KCNH1: variants seen among roughly 807,000 people sequenced by gnomAD.
KCNH1 encodes voltage-gated delayed rectifier potassium channel KCNH1.
In KCNH1, 27 loss-of-function variants were observed where a neutral mutation model predicts 69.2. That is an observed-to-expected ratio of 0.39 (90% CI 0.29 to 0.54). KCNH1 has a LOEUF of 0.54. Among genes scored for constraint, KCNH1 ranks in the 20% least tolerant of loss-of-function variants. The pLI is 0.68. For missense variants in KCNH1, 798 were observed against 1,261.6 expected (o/e 0.63, Z 5.57); for synonymous variants, 456 against 487.7 (o/e 0.93, Z 0.86).
chr1:210,916,449 A>G (rs1687334764), intron 7 of KCNH1, among the ~76,000 whole-genome samples: 1 of 152,208 alleles, frequency 6.6e-6, no homozygotes, highest in South Asian at 2.1e-4. Context: ...ACAACAACAA[A>G]CAAGCAAAGA....
intron 10 of KCNH1, among the ~76,000 whole-genome samples, chr1:210,733,551 A>T (rs1214181504): frequency 2.0e-5 from 3 of 152,222 alleles, no homozygotes; most frequent in African/African-American, 7.2e-5. Flanking sequence ...CAAATTCCAG[A>T]TATCACCATG....
chr1:210,967,617 T>C (rs765643101), intron 6 of KCNH1, among the ~76,000 whole-genome samples: 6 of 152,174 alleles, frequency 3.9e-5, no homozygotes, highest in Non-Finnish European at 8.8e-5. Flanking sequence ...TATACGGATC[T>C]GTTTCTCTTC....
intron 1 of KCNH1, among the ~76,000 whole-genome samples, chr1:211,110,846 C>CATCCAGATAT (rs1329697423): frequency 9.2e-5 from 14 of 152,128 alleles, no homozygotes; most frequent in Non-Finnish European, 1.9e-4. Flanking sequence ...CAGAAGTCAA[C>CATCCAGATAT]AGATAATATC....
intron 10 of KCNH1, among the ~76,000 whole-genome samples, chr1:210,698,010 A>C (rs1200523531): frequency 6.6e-6 from 1 of 152,194 alleles, no homozygotes; most frequent in South Asian, 2.1e-4. Context: ...CAGTTTGTGG[A>C]TTGCTTTTCT....
chr1:211,076,680 C>A (rs1690739784), intron 5 of KCNH1, among the ~76,000 whole-genome samples: 1 of 152,198 alleles, frequency 6.6e-6, no homozygotes, highest in African/African-American at 2.4e-5. Flanking sequence ...CTGAAAATTC[C>A]AAAAACCTGA....
At chr1:210,881,177 A>G (rs549121504) in intron 7 of KCNH1, among the ~76,000 whole-genome samples, 3 of 152,162 alleles carry the variant, frequency 2.0e-5, no homozygotes, top group South Asian at 2.1e-4. Flanking sequence ...TAATTTTTGT[A>G]TATTTTGTTG....
chr1:210,901,472 C>G (rs1427298902), intron 7 of KCNH1, among the ~76,000 whole-genome samples: 1 of 152,132 alleles, frequency 6.6e-6, no homozygotes, highest in Non-Finnish European at 1.5e-5. Flanking sequence ...ATGGTGTGGG[C>G]AGAGCGGAAC....
chr1:210,918,501 A>G lies in KCNH1; in HGVS notation c.1462+1139T>C, dbSNP rs148552533. Among the ~76,000 whole-genome samples the G allele has an allele frequency of 1.1e-3, 169 of 152,338 alleles. 1 individual carries two copies. The highest frequency in any genetic ancestry group is 1.7e-3 in the Admixed American group (26 of 15,298). On this transcript the variant is annotated intron_variant, in intron 7 of 10. Transcript: ENST00000271751. ...CCATCCCAGTTAGGTCCCTTCCTAC[A>G]TAAGACTCCCTTTAATGAAGGGAAT...
chr1:210,876,958 C>T (rs1245625297), intron 7 of KCNH1, among the ~76,000 whole-genome samples: 1 of 151,956 alleles, frequency 6.6e-6, no homozygotes, highest in East Asian at 1.9e-4. Flanking sequence ...CTCCACCCTG[C>T]CTACCCAAGC....
At chr1:210,914,958 T>C (rs1430751822) in intron 7 of KCNH1, among the ~76,000 whole-genome samples, 1 of 152,064 alleles carries the variant, frequency 6.6e-6, no homozygotes, top group Non-Finnish European at 1.5e-5. Context: ...GTGGCTGACT[T>C]ACAATGACAG....
chr1:210,863,122 A>G (rs1425439717), intron 7 of KCNH1, among the ~76,000 whole-genome samples: 1 of 152,210 alleles, frequency 6.6e-6, no homozygotes, highest in Non-Finnish European at 1.5e-5. Context: ...GAATCCATGA[A>G]GAGCTTCCAA....
intron 5 of KCNH1, among the ~76,000 whole-genome samples, chr1:211,073,986 C>T (rs763249711): frequency 1.3e-5 from 2 of 151,398 alleles, no homozygotes; most frequent in Admixed American, 6.6e-5. Flanking sequence ...ATACTAGCCC[C>T]TGAGATGAGA....
intron 5 of KCNH1, among the ~76,000 whole-genome samples, chr1:211,037,578 C>A (rs1006879338): frequency 1.3e-5 from 2 of 149,504 alleles, no homozygotes; most frequent in Admixed American, 6.7e-5. Context: ...TAGCAACATG[C>A]CTTCCTGTCA....
chr1:210,889,499 C>A (rs914309061), intron 7 of KCNH1, among the ~76,000 whole-genome samples: 1 of 152,200 alleles, frequency 6.6e-6, no homozygotes, highest in Non-Finnish European at 1.5e-5. Context: ...CAGCACAGAA[C>A]AGGGATGCCC....
At chr1:210,754,405 G>C (rs113259643) in intron 10 of KCNH1, among the ~76,000 whole-genome samples, 2,813 of 152,208 alleles carry the variant, frequency 0.018, 88 homozygotes, top group African/African-American at 0.064. Flanking sequence ...TCACTGATAG[G>C]AGGAAATGCT....
intron 10 of KCNH1, among the ~76,000 whole-genome samples, chr1:210,745,460 A>G (rs924086464): frequency 1.3e-5 from 2 of 152,178 alleles, no homozygotes; most frequent in Non-Finnish European, 2.9e-5. Context: ...CCTGCTTCTG[A>G]AAGTAGCCAA....
chr1:210,688,143 A>G (rs1339092080), intron 10 of KCNH1, among the ~76,000 whole-genome samples: 2 of 152,184 alleles, frequency 1.3e-5, no homozygotes, highest in African/African-American at 4.8e-5. Context: ...AGGGGAAGAC[A>G]TTATATGCAG....
At chr1:211,033,766 G>T (rs1689839876) in intron 5 of KCNH1, among the ~76,000 whole-genome samples, 1 of 152,132 alleles carries the variant, frequency 6.6e-6, no homozygotes, top group South Asian at 2.1e-4. Flanking sequence ...GCCTGTTGTG[G>T]GGTGGGGGGA....
chr1:210,851,263 A>G (rs1431570517), intron 7 of KCNH1, among the ~76,000 whole-genome samples: 2 of 152,244 alleles, frequency 1.3e-5, no homozygotes, highest in Admixed American at 6.5e-5. Flanking sequence ...TTCTTGGTCT[A>G]GTGTGTTTGG....
Sources: allele counts gnomAD v4.1 joint callset (sites outside exome capture counted in the v4.1 genomes callset), GRCh38; gene constraint gnomAD v4.1.1; transcripts MANE v1.5; gene names NCBI Gene and HGNC (gene_info 2026-07-23, HGNC 2026-07-21).